LRTM3: variants seen among roughly 807,000 people sequenced by gnomAD.
LRTM3 encodes leucine-rich repeat transmembrane protein 3.
chr13:102,733,074 T>C, the LRTM3 span: 4 of 1,551,398 alleles, frequency 2.6e-6, no homozygotes, highest in Admixed American at 2.0e-5. Flanking sequence ...AGGTGCGCTG[T>C]TGTTTTCTTG....
chr13:102,736,431 G>A, the LRTM3 span: 3 of 1,551,124 alleles, frequency 1.9e-6, no homozygotes, highest in Non-Finnish European at 2.6e-6. Context: ...TCTTCTTTCT[G>A]TGGAAGGAGT....
At chr13:102,735,005 G>C in the LRTM3 span, 18 of 1,551,194 alleles carry the variant, frequency 1.2e-5, no homozygotes, top group Non-Finnish European at 1.6e-5. Flanking sequence ...TAGGGGAAAA[G>C]AGGGTCTTGT....
At chr13:102,737,845 T>C in the LRTM3 span, 3 of 1,550,978 alleles carry the variant, frequency 1.9e-6, no homozygotes, top group Non-Finnish European at 1.7e-6. Flanking sequence ...CTTCTATTCT[T>C]GTGTCCAATA....
chr13:102,736,065 G>A, the LRTM3 span: 1 of 1,542,278 alleles, frequency 6.5e-7, no homozygotes, highest in Non-Finnish European at 8.8e-7. Flanking sequence ...TCTTTATATG[G>A]CATTTGTTGG....
chr13:102,732,939 A>T, the LRTM3 span: 1 of 1,551,474 alleles, frequency 6.4e-7, no homozygotes, highest in Non-Finnish European at 8.7e-7. Flanking sequence ...GGGAATAGGG[A>T]CTTCGGAAGA....
At chr13:102,746,390 C>T in the LRTM3 span, 3 of 1,550,992 alleles carry the variant, frequency 1.9e-6, no homozygotes, top group East Asian at 4.9e-5. Context: ...TGCTGTTTCT[C>T]CTTGCTTTAA....
chr13:102,736,475 T>G, the LRTM3 span: 2 of 1,551,124 alleles, frequency 1.3e-6, no homozygotes, highest in Admixed American at 2.0e-5. Flanking sequence ...CTCTGTTGGC[T>G]TTGTAGGTGC....
chr13:102,735,982 C>T, the LRTM3 span: 1 of 1,549,810 alleles, frequency 6.5e-7, no homozygotes, highest in Non-Finnish European at 8.7e-7. Flanking sequence ...GTGGGAGTGC[C>T]TCTGCCCTCA....
chr13:102,735,765 T>C, the LRTM3 span: 1 of 1,545,142 alleles, frequency 6.5e-7, no homozygotes, highest in Non-Finnish European at 8.7e-7. Flanking sequence ...GAATCCTGAA[T>C]CTTTAGTGGT....
chr13:102,746,729 T>G, the LRTM3 span: 1 of 1,550,968 alleles, frequency 6.4e-7, no homozygotes, highest in Non-Finnish European at 8.7e-7. Context: ...TTTTGGTATT[T>G]CTGTCTTTTC....
chr13:102,735,806 C>T, the LRTM3 span: 1 of 1,541,872 alleles, frequency 6.5e-7, no homozygotes, highest in Non-Finnish European at 8.8e-7. Flanking sequence ...TCCTAATGTG[C>T]CTTCCTTTTC....
chr13:102,729,444 G>A, the LRTM3 span: 1 of 1,448,118 alleles, frequency 6.9e-7, no homozygotes, highest in African/African-American at 1.4e-5. Flanking sequence ...GTTTAGCTAT[G>A]GTAATGTCAG....
chr13:102,755,478 A>G, the LRTM3 span, among the ~76,000 whole-genome samples: 1 of 152,286 alleles, frequency 6.6e-6, no homozygotes, highest in East Asian at 1.9e-4. Flanking sequence ...CCATAAAAAG[A>G]ATGAGATCAT....
chr13:102,730,395 A>G, the LRTM3 span: 2 of 1,550,826 alleles, frequency 1.3e-6, no homozygotes, highest in Non-Finnish European at 1.7e-6. Context: ...ATATCAACAA[A>G]ATCTTCAGAA....
chr13:102,736,046 T>C, the LRTM3 span: 1 of 1,547,526 alleles, frequency 6.5e-7, no homozygotes, highest in Non-Finnish European at 8.7e-7. Flanking sequence ...TTTTACTCTG[T>C]CCTTTGCCTC....
At chr13:102,746,508 ACTTAGT>A in the LRTM3 span, 5 of 1,551,038 alleles carry the variant, frequency 3.2e-6, no homozygotes, top group Admixed American at 7.8e-5. Context: ...ATCTTTTTAA[ACTTAGT>A]CTTAAAGTCT....
At chr13:102,729,525 A>G in the LRTM3 span, 1 of 1,491,406 alleles carries the variant, frequency 6.7e-7, no homozygotes, top group African/African-American at 1.4e-5. Flanking sequence ...CATATATTCC[A>G]AGAACTTGAA....
At chr13:102,737,331 G>C in the LRTM3 span, 5 of 1,550,850 alleles carry the variant, frequency 3.2e-6, no homozygotes, top group Middle Eastern at 1.7e-4. Context: ...ATTATTCCTT[G>C]TAAGTCTTCC....
chr13:102,740,362 T>G, the LRTM3 span: 1 of 1,550,174 alleles, frequency 6.5e-7, no homozygotes, highest in Non-Finnish European at 8.7e-7. Context: ...TTAGCTGATC[T>G]GCAGAAAACA....
Sources: allele counts gnomAD v4.1 joint callset (sites outside exome capture counted in the v4.1 genomes callset), GRCh38; gene constraint gnomAD v4.1.1; transcripts MANE v1.5; gene names NCBI Gene and HGNC (gene_info 2026-07-23, HGNC 2026-07-21).